Variants in WDR72 observed in about 807,000 individuals in gnomAD.
WDR72 encodes WD repeat-containing protein 72.
Under a neutral mutation model 124.2 loss-of-function variants are expected in WDR72, and 120 were observed. The observed-to-expected ratio is 0.97, with a 90% confidence interval of 0.83 to 1.12. The LOEUF (loss-of-function observed/expected upper bound fraction) is 1.12. WDR72 is among the 50% of genes most tolerant of loss of function. The pLI is 0.00. For synonymous variants in WDR72, 452 were observed against 441.7 expected, an observed-to-expected ratio of 1.02 and a Z score of -0.29; for missense variants, 1,387 against 1,278.8, an observed-to-expected ratio of 1.08 and a Z score of -1.29.
At chr15:53,742,507 T>G (rs1299032608) in intron 1 of WDR72, among the ~76,000 whole-genome samples, 1 of 152,194 alleles carries the variant, frequency 6.6e-6, no homozygotes, top group African/African-American at 2.4e-5. Context: ...ATATTTTGGG[T>G]GTCTAAAGCA....
At chr15:53,609,380 C>T in intron 17 of WDR72, 133 bp downstream of exon 17, 3 of 765,458 alleles carry the variant, frequency 3.9e-6, no homozygotes, top group Non-Finnish European at 6.8e-6. Context: ...TTTCCCTCAT[C>T]TCTATGTCTG....
Position 53,715,468 on chromosome 15 carries a change from C to T in WDR72, c.340-101G>A, listed in dbSNP as rs560029468. The T allele has an allele frequency of 4.6e-5, 65 of 1,403,450 alleles. No homozygotes were observed. In the African/African-American group the frequency reaches 8.1e-4, roughly 18 times the overall value. The allele number at this position is 1,403,450 out of a possible 1,614,324, so 86.9% of individuals were successfully genotyped here. A position where few individuals can be genotyped will look rare whatever the true frequency, so the allele number is the denominator to read the frequency against. Reference sequence around the variant, plus strand: ...CTAGACTTTAGTTTTAGCATATGATCAATTAAGGTATTGAACTGAATAGCA... The same window carrying T: ...CTAGACTTTAGTTTTAGCATATGATTAATTAAGGTATTGAACTGAATAGCA... On this transcript the variant is annotated intron_variant, in intron 4 of 19. Coordinates refer to ENST00000360509, the MANE Select transcript of WDR72 (RefSeq NM_182758.4).
intron 18 of WDR72, among the ~76,000 whole-genome samples, chr15:53,543,775 G>A (rs1893292252): frequency 6.6e-6 from 1 of 152,062 alleles, no homozygotes; most frequent in East Asian, 1.9e-4. Flanking sequence ...AAAGAGAGAA[G>A]AATCTAATAG....
chr15:53,762,158 C>T (rs560443511), upstream of WDR72, among the ~76,000 whole-genome samples: 38 of 152,146 alleles, frequency 2.5e-4, no homozygotes, highest in Non-Finnish European at 5.3e-4. Context: ...TCTGGCTTCC[C>T]AAATATTAAG....
chr15:53,615,632 T>A lies in WDR72; in HGVS notation c.2574A>T (p.Ser858=). Residue 858 remains serine, a synonymous_variant, in exon 15 of 20, where the codon TCA becomes TCT. Transcript: ENST00000360509. ...LCNSGMIKDY[S]GVNLFSRKVL... is the part of the protein sequence containing the mutation. ...CTTTCCTGGAAAATAAATTTACTCCTGAATAGTCTTTTATCATTCCACTAT... is the reference window on the plus strand; with the variant it reads ...CTTTCCTGGAAAATAAATTTACTCCAGAATAGTCTTTTATCATTCCACTAT... 6.2e-7 allele frequency: 1 copy of A among 1,612,566 alleles called. No individual in the cohort carries two copies. The highest frequency in any genetic ancestry group is 8.5e-7 in the Non-Finnish European group (1 of 1,179,090).
intron 18 of WDR72, among the ~76,000 whole-genome samples, chr15:53,549,881 G>A (rs143546233): frequency 8.5e-5 from 13 of 152,198 alleles, no homozygotes; most frequent in South Asian, 4.2e-4. Context: ...TGCCTAAACC[G>A]AAGGCCCCAG....
At chr15:53,673,413 C>T (rs962776741) in intron 13 of WDR72, among the ~76,000 whole-genome samples, 3 of 152,114 alleles carry the variant, frequency 2.0e-5, no homozygotes, top group East Asian at 1.9e-4. Flanking sequence ...GATGGATTAA[C>T]ACTTTATCAT....
chr15:53,593,577 C>T (rs2012616335), intron 18 of WDR72, among the ~76,000 whole-genome samples: 1 of 151,880 alleles, frequency 6.6e-6, no homozygotes, highest in African/African-American at 2.4e-5. Flanking sequence ...GCCTGGGTAA[C>T]ATGGTGAAAC....
intron 18 of WDR72, among the ~76,000 whole-genome samples, chr15:53,529,843 C>G (rs902747452): frequency 6.6e-6 from 1 of 151,808 alleles, no homozygotes; most frequent in African/African-American, 2.4e-5. Flanking sequence ...GAATCTGAAA[C>G]AGATTATAAG....
chr15:53,700,160 C>G (rs937896471), intron 12 of WDR72, among the ~76,000 whole-genome samples: 1 of 152,252 alleles, frequency 6.6e-6, no homozygotes, highest in East Asian at 1.9e-4. Flanking sequence ...ACAGGAAGGT[C>G]AAAAGATGAA....
intron 18 of WDR72, among the ~76,000 whole-genome samples, chr15:53,557,426 T>G (rs879326609): frequency 3.3e-5 from 5 of 152,080 alleles, no homozygotes; most frequent in Non-Finnish European, 5.9e-5. Context: ...TCTCAGACAT[T>G]ACAATGGCTA....
At chr15:53,533,616 C>G (rs1195119452) in intron 18 of WDR72, among the ~76,000 whole-genome samples, 1 of 152,122 alleles carries the variant, frequency 6.6e-6, no homozygotes, top group Non-Finnish European at 1.5e-5. Flanking sequence ...TCTCAACTCG[C>G]ATTTAGCGAT....
At chr15:53,585,155 G>A (rs755266398) in intron 18 of WDR72, among the ~76,000 whole-genome samples, 23 of 151,916 alleles carry the variant, frequency 1.5e-4, no homozygotes, top group Non-Finnish European at 2.8e-4. Context: ...AGAAATACCC[G>A]AGACTGGGTA....
intron 18 of WDR72, among the ~76,000 whole-genome samples, chr15:53,550,782 T>C (rs899318545): frequency 3.3e-5 from 5 of 152,180 alleles, no homozygotes; most frequent in African/African-American, 7.2e-5. Context: ...GGAATATTTA[T>C]TGAGCACCTA....
At chr15:53,581,207 C>G (rs1178837100) in intron 18 of WDR72, among the ~76,000 whole-genome samples, 1 of 152,024 alleles carries the variant, frequency 6.6e-6, no homozygotes, top group East Asian at 1.9e-4. Context: ...ATGTAAAATT[C>G]TGTATGCAAG....
intron 1 of WDR72, among the ~76,000 whole-genome samples, chr15:53,748,060 CA>C (rs1032119993): frequency 6.6e-6 from 1 of 151,022 alleles, no homozygotes; most frequent in African/African-American, 2.4e-5. Context: ...GTAAATTCAA[CA>C]AATATCTATT....
chr15:53,690,597 G>A (rs751869000), intron 13 of WDR72, among the ~76,000 whole-genome samples: 1 of 152,136 alleles, frequency 6.6e-6, no homozygotes, highest in African/African-American at 2.4e-5. Flanking sequence ...GTTCATTCAA[G>A]TTGTAGCATG....
intron 18 of WDR72, among the ~76,000 whole-genome samples, chr15:53,583,812 T>C (rs2012057502): frequency 6.6e-6 from 1 of 152,016 alleles, no homozygotes; most frequent in African/African-American, 2.4e-5. Context: ...GTAGGTGATG[T>C]AATGACTCTA....
At chr15:53,729,372 T>C (rs1413918060) in intron 2 of WDR72, among the ~76,000 whole-genome samples, 1 of 151,852 alleles carries the variant, frequency 6.6e-6, no homozygotes, top group Non-Finnish European at 1.5e-5. Context: ...AGTGATCTTC[T>C]AAAACCCAAA....
Sources: allele counts gnomAD v4.1 joint callset (sites outside exome capture counted in the v4.1 genomes callset), GRCh38; gene constraint gnomAD v4.1.1; transcripts MANE v1.5; gene names NCBI Gene and HGNC (gene_info 2026-07-23, HGNC 2026-07-21).